The following APOBEC3C variants were observed in gnomAD, a reference collection of about 807,000 sequenced individuals.
APOBEC3C encodes the protein apolipoprotein B mRNA editing enzyme catalytic subunit 3C.
A neutral mutation model predicts 20.6 loss-of-function variants in APOBEC3C; 14 were observed. The observed-to-expected ratio is 0.68, with a 90% CI of 0.45 to 1.06. The LOEUF is 1.06. APOBEC3C is among the 50% of genes least tolerant of loss of function. The pLI, the probability that APOBEC3C is intolerant of heterozygous loss-of-function variation, is 0.00. For missense variants in APOBEC3C, 244 were observed against 241.9 expected, an observed-to-expected ratio of 1.01 and a Z score of -0.06; for synonymous variants, 98 against 88.8, an observed-to-expected ratio of 1.10 and a Z score of -0.58.
chr22:39,014,473 CCCACCT>C, intron 1 of APOBEC3C, 94 bp downstream of exon 1: 1 of 1,522,680 alleles, frequency 6.6e-7, no homozygotes, highest in South Asian at 1.1e-5. Flanking sequence ...CTGCCCCAGC[CCCACCT>C]CTGGGCTCCC....
intron 2 of APOBEC3C, among the ~76,000 whole-genome samples, chr22:39,016,097 C>T (rs1327293233): frequency 2.6e-5 from 4 of 151,826 alleles, no homozygotes; most frequent in South Asian, 2.1e-4. Context: ...AGGCTGGTTT[C>T]GAACTCCTGA....
At position 39,014,286 on chromosome 22, in the gene APOBEC3C, A is replaced by G. The variant is rs1286731643; in HGVS notation, c.-77A>G. On this transcript the variant is annotated 5_prime_UTR_variant, in exon 1 of 4. Coordinates refer to ENST00000361441, the MANE Select transcript of APOBEC3C (RefSeq NM_014508.3). ...TAAAGAGGGCTGCTCAACTGCAAGG[A>G]CGCTGTAAGCAGGAAGAGAAGCCAC... 8 of 1,581,950 alleles carry G rather than the reference A, an allele frequency of 5.1e-6. No homozygotes were observed. Among genetic ancestry groups the G allele is most frequent in the Non-Finnish European group, 6.9e-6 (8 of 1,151,142 alleles).
intron 1 of APOBEC3C, among the ~76,000 whole-genome samples, 185 bp from the exon 2 acceptor site, chr22:39,015,410 C>T (rs534800654): frequency 3.0e-4 from 45 of 152,290 alleles, no homozygotes; most frequent in African/African-American, 1.0e-3. Context: ...CCCCTGCCAG[C>T]GTCCCCTCCT....
At chr22:39,015,558 G>A (rs752706550) in intron 1 of APOBEC3C, 37 bp from the exon 2 acceptor site, 2 of 1,605,782 alleles carry the variant, frequency 1.2e-6, no homozygotes, top group South Asian at 2.2e-5. Flanking sequence ...TCCGGTGCGG[G>A]GGTCTCTGCA....
chr22:39,015,162 G>A (rs1924734747), intron 1 of APOBEC3C, among the ~76,000 whole-genome samples: 1 of 152,106 alleles, frequency 6.6e-6, no homozygotes, highest in African/African-American at 2.4e-5. Context: ...AGCCAGGGGT[G>A]CTGGCGGGCG....
rs577924169 is a variant in APOBEC3C at position 39,014,391 on chromosome 22, C to G, written c.17+12C>G. ...AATCCACAGATCAGGTACCTCTGCACGCTTTGTCCGCCAGGCCCCTCCTGC... is the reference window on the plus strand; with the variant it reads ...AATCCACAGATCAGGTACCTCTGCAGGCTTTGTCCGCCAGGCCCCTCCTGC... On this transcript the variant is annotated intron_variant, in intron 1 of 3. Transcript: ENST00000361441. 1.2e-6 allele frequency: 2 copies of G among 1,614,106 alleles called. No homozygotes were observed. The highest frequency in any genetic ancestry group is 3.3e-5 in the Admixed American group (2 of 60,026).
rs987619290 is a variant in APOBEC3C, at chr22:39,015,813, G to A, written c.174+62G>A. The A allele has an allele frequency of 2.0e-5, 31 of 1,537,182 alleles. No homozygotes were observed. The African/African-American group carries it at 2.5e-4, about 12-fold the overall frequency. On this transcript the variant is annotated intron_variant, in intron 2 of 3. Transcript: ENST00000361441. ...CTAAGCAGCTGGGAATGCAGAAAACGCAACAATAAGTGATGTGCCCGGCGT... is the reference window on the plus strand; with the variant it reads ...CTAAGCAGCTGGGAATGCAGAAAACACAACAATAAGTGATGTGCCCGGCGT...
In APOBEC3C at chr22:39,015,700, T is replaced by C. The variant is rs1339727380; in HGVS notation, c.123T>C (p.Gly41=). 7 of 1,613,862 alleles carry C rather than the reference T, an allele frequency of 4.3e-6. No individual in the cohort carries two copies. Among genetic ancestry groups the C allele is most frequent in the South Asian group, 1.1e-5 (1 of 91,072 alleles). ...CTTGGCTGTGCTTCACCGTGGAAGGTATAAAGCGCCGCTCAGTTGTCTCCT... is the reference window on the plus strand; with the variant it reads ...CTTGGCTGTGCTTCACCGTGGAAGGCATAAAGCGCCGCTCAGTTGTCTCCT... ...NETWLCFTVE[G]IKRRSVVSWK... Residue 41 remains glycine, a synonymous_variant, in exon 2 of 4, where the codon GGT becomes GGC. Coordinates refer to ENST00000361441, the MANE Select transcript of APOBEC3C (RefSeq NM_014508.3).
chr22:39,014,444 C>T, intron 1 of APOBEC3C, 65 bp downstream of exon 1: 14 of 1,608,564 alleles, frequency 8.7e-6, no homozygotes, highest in South Asian at 4.4e-5. Context: ...TCCTGCTGGG[C>T]CTCAGCCCTG....
At position 39,018,470 on chromosome 22, in the gene APOBEC3C, C is replaced by T. The variant is rs1924887531; in HGVS notation, c.*83C>T. ...GCCTCCCCTCCACCCTGGACCCGCT[C>T]TGTTTCTGCCTGGTCATCCTGAGCC... is the stretch of plus-strand genomic sequence containing the variant. On this transcript the variant is annotated 3_prime_UTR_variant, in exon 4 of 4. Transcript: ENST00000361441. 3 of 1,487,496 alleles carry T rather than the reference C, an allele frequency of 2.0e-6. No individual in the cohort carries two copies. Among genetic ancestry groups the T allele is most frequent in the Admixed American group, 2.0e-5 (1 of 49,184 alleles). The allele number at this position is 1,487,496 out of a possible 1,614,324, so 92.1% of individuals were successfully genotyped here. A position where few individuals can be genotyped will look rare whatever the true frequency, so the allele number is the denominator to read the frequency against.
chr22:39,018,107 C>A (rs1924866671), intron 3 of APOBEC3C, 62 bp downstream of exon 3: 1 of 1,594,014 alleles, frequency 6.3e-7, no homozygotes, highest in Non-Finnish European at 8.6e-7. Flanking sequence ...GCAGATGGTT[C>A]TCCAATGCTG....
Position 39,018,009 on chromosome 22 carries a change from C to A in APOBEC3C, c.418C>A (p.Gln140Lys), listed in dbSNP as rs1432152068. 6.2e-7 allele frequency: 1 copy of A among 1,614,148 alleles called. No homozygotes were observed. Among genetic ancestry groups the A allele is most frequent in the East Asian group, 2.2e-5 (1 of 44,862 alleles). Residue 140 changes from glutamine (Q) to lysine (K), a missense_variant, in exon 3 of 4, where the codon CAG (glutamine) becomes AAG (lysine). Gln to Lys is a moderately conservative substitution (Grantham distance 53). Coordinates refer to ENST00000361441, the MANE Select transcript of APOBEC3C (RefSeq NM_014508.3). ...CYQEGLRSLS[Q>K]EGVAVEIMDY... ...CCAGGAGGGGCTCCGCAGCCTGAGTCAGGAAGGGGTCGCTGTGGAGATCAT... is the reference window on the plus strand; with the variant it reads ...CCAGGAGGGGCTCCGCAGCCTGAGTAAGGAAGGGGTCGCTGTGGAGATCAT...
intron 2 of APOBEC3C, among the ~76,000 whole-genome samples, chr22:39,016,081 T>C (rs1370958068): frequency 6.6e-6 from 1 of 151,914 alleles, no homozygotes; most frequent in African/African-American, 2.4e-5. Flanking sequence ...TTTTGCCATG[T>C]TGGCCAGGCT....
At position 39,016,381 on chromosome 22, in the gene APOBEC3C, C is replaced by CTTTT. The variant is rs575173801; in HGVS notation, c.174+644_174+647dup. 2.4e-4 allele frequency among the ~76,000 whole-genome samples: 30 copies of CTTTT among 122,882 alleles called. 1 individual carries two copies. The highest frequency in any genetic ancestry group is 9.5e-4 in the African/African-American group (30 of 31,664). The allele number at this position is 122,882 out of a possible 152,430, so 80.6% of individuals were successfully genotyped here. ...TGCCCAGCTAATTTTTTCTTTTTTT[C>CTTTT]TTTTTTTTTTTTTTTTTAGTAGAGA... On this transcript the variant is annotated intron_variant, in intron 2 of 3. Transcript: ENST00000361441.
chr22:39,014,432 G>A (rs1305388864), intron 1 of APOBEC3C, 53 bp downstream of exon 1: 26 of 1,612,362 alleles, frequency 1.6e-5, no homozygotes, highest in African/African-American at 5.3e-5. Flanking sequence ...CCTGCCAGGC[G>A]GTCCTGCTGG....
rs771925073 is a variant in APOBEC3C at position 39,015,616 on chromosome 22, T to C, written c.39T>C (p.Tyr13=). The change falls in exon 2 of 4, where the codon TAT becomes TAC. Residue 13 remains tyrosine, a synonymous_variant. Transcript: ENST00000361441. ...TCAGAAACCCGATGAAGGCAATGTA[T>C]CCAGGCACATTCTACTTCCAATTTA... is the stretch of plus-strand genomic sequence containing the variant. The part of the protein sequence containing the change: ...PQIRNPMKAM[Y]PGTFYFQFKN... The C allele has an allele frequency of 1.9e-6, 3 of 1,614,056 alleles. No individual in the cohort carries two copies. The highest frequency in any genetic ancestry group is 2.5e-6 in the Non-Finnish European group (3 of 1,179,988).
chr22:39,019,798 C>CTTTTTTTTTTTT lies in APOBEC3C; in HGVS notation c.*1424_*1435dup, dbSNP rs61235720. On this transcript the variant is annotated 3_prime_UTR_variant, in exon 4 of 4. Coordinates refer to ENST00000361441, the MANE Select transcript of APOBEC3C (RefSeq NM_014508.3). ...GGATCTCTCTGCCTCCAAATATCAT[C>CTTTTTTTTTTTT]TTTTTTTTTTTTTTTTTTTTTTTTG... The CTTTTTTTTTTTT allele has an allele frequency of 1.2e-5, 1 of 81,268 alleles. No individual in the cohort carries two copies. Among genetic ancestry groups the CTTTTTTTTTTTT allele is most frequent in the African/African-American group, 5.2e-5 (1 of 19,348 alleles). 5.0% of individuals were successfully genotyped at this position (81,268 alleles called of 1,614,324 possible).
At chr22:39,017,672 G>A (rs1924837680) in intron 2 of APOBEC3C, 94 bp from the exon 3 acceptor site, 2 of 1,469,954 alleles carry the variant, frequency 1.4e-6, no homozygotes, top group Admixed American at 2.0e-5. Context: ...ACGGCCCGGG[G>A]CTCCAGGCCC....
At chr22:39,016,893 T>G (rs963728718) in intron 2 of APOBEC3C, among the ~76,000 whole-genome samples, 9 of 152,116 alleles carry the variant, frequency 5.9e-5, no homozygotes, top group African/African-American at 1.9e-4. Flanking sequence ...GATGGCAGAA[T>G]TCACACATGA....
Sources: gnomAD v4.1 joint callset for allele counts (sites outside exome capture counted in the v4.1 genomes callset) on GRCh38, gnomAD v4.1.1 for gene constraint, MANE v1.5 for transcripts, NCBI Gene and HGNC (gene_info 2026-07-23, HGNC 2026-07-21) for gene names.